Variants in PTK2 observed in about 807,000 individuals in gnomAD.
The protein encoded by PTK2 is protein tyrosine kinase 2, also known as focal adhesion kinase 1.
Under a neutral mutation model 150.1 loss-of-function variants are expected in PTK2, and 45 were observed. The ratio of observed to expected loss-of-function variants is 0.30; its 90% CI spans 0.24 to 0.38. The LOEUF is 0.38. Ranked by LOEUF, PTK2 falls within the 10% of genes least tolerant of loss-of-function variation. The pLI is 1.00. For missense variants in PTK2, 919 were observed against 1,307.3 expected, an observed-to-expected ratio of 0.70 and a Z score of 4.58; for synonymous variants, 432 against 449.2, an observed-to-expected ratio of 0.96 and a Z score of 0.48.
chr8:140,731,861 C>G (rs1188756715), intron 22 of PTK2, among the ~76,000 whole-genome samples: 1 of 152,078 alleles, frequency 6.6e-6, no homozygotes, highest in Non-Finnish European at 1.5e-5. Context: ...AGAGATGGTG[C>G]CACCGCACTC....
chr8:140,934,884 G>A (rs933784009), intron 1 of PTK2, among the ~76,000 whole-genome samples: 1 of 151,674 alleles, frequency 6.6e-6, no homozygotes, highest in African/African-American at 2.4e-5. Flanking sequence ...CTTTTCTGTA[G>A]GGAAAAGAAA....
intron 5 of PTK2, among the ~76,000 whole-genome samples, chr8:140,861,366 A>T (rs558578748): frequency 8.9e-4 from 135 of 152,284 alleles, no homozygotes; most frequent in African/African-American, 3.2e-3. Flanking sequence ...ATAAAATAAA[A>T]TTTTTAAAAA....
chr8:140,894,562 G>T (rs2100155405), intron 2 of PTK2, among the ~76,000 whole-genome samples: 1 of 152,130 alleles, frequency 6.6e-6, no homozygotes. Context: ...AAAACAAAAG[G>T]AAAGAAGAAG....
intron 1 of PTK2, among the ~76,000 whole-genome samples, chr8:140,937,340 C>T (rs1330146005): frequency 3.9e-5 from 6 of 151,936 alleles, no homozygotes; most frequent in Non-Finnish European, 8.8e-5. Context: ...TATTTCCACA[C>T]CTGATTTTTC....
At chr8:140,706,164 T>A (rs758958910) in exon 24 of PTK2, 1 of 1,613,690 alleles carries the variant, frequency 6.2e-7, no homozygotes. Flanking sequence ...TGGGATAAAA[T>A]CCTTCGCTGG....
At chr8:140,989,530 T>TTA (rs2100194826) in intron 1 of PTK2, among the ~76,000 whole-genome samples, 3 of 140,646 alleles carry the variant, frequency 2.1e-5, no homozygotes, top group African/African-American at 7.8e-5. Flanking sequence ...TTAATGAATT[T>TTA]AAAAAAAAAA....
intron 1 of PTK2, among the ~76,000 whole-genome samples, chr8:140,942,175 A>G (rs1220927035): frequency 2.6e-5 from 4 of 152,168 alleles, no homozygotes; most frequent in South Asian, 2.1e-4. Flanking sequence ...CTCTGCACCT[A>G]GACTTACTAT....
At chr8:140,780,074 T>A (rs1198571158) in intron 14 of PTK2, among the ~76,000 whole-genome samples, 1 of 151,992 alleles carries the variant, frequency 6.6e-6, no homozygotes, top group African/African-American at 2.4e-5. Flanking sequence ...AACTGGTAAA[T>A]AAAGGAAAAG....
At chr8:140,857,276 C>G (rs1363234975) in intron 5 of PTK2, among the ~76,000 whole-genome samples, 1 of 152,150 alleles carries the variant, frequency 6.6e-6, no homozygotes, top group Non-Finnish European at 1.5e-5. Context: ...TTCTCAGTGT[C>G]TTCACAATCA....
chr8:140,711,391 G>A (rs769690943), intron 23 of PTK2, among the ~76,000 whole-genome samples: 8 of 152,204 alleles, frequency 5.3e-5, no homozygotes, highest in Non-Finnish European at 8.8e-5. Context: ...ACAGGCGTGA[G>A]CCACCATGCC....
chr8:140,675,482 T>C (rs1443013932), exon 28 of PTK2: 4 of 1,612,062 alleles, frequency 2.5e-6, no homozygotes, highest in African/African-American at 1.3e-5. Flanking sequence ...CAGGCTGATA[T>C]ATATGTTGGT....
At chr8:140,861,394 T>C (rs2100136000) in intron 5 of PTK2, among the ~76,000 whole-genome samples, 1 of 152,068 alleles carries the variant, frequency 6.6e-6, no homozygotes, top group Admixed American at 6.5e-5. Context: ...ATGTACCATA[T>C]AATTTAACAG....
chr8:140,895,520 TC>T (rs1368210951), intron 2 of PTK2, among the ~76,000 whole-genome samples: 15 of 94,650 alleles, frequency 1.6e-4, no homozygotes, highest in Non-Finnish European at 3.5e-4. Flanking sequence ...CAACCCTGTC[TC>T]CTTTAAAAAA....
intron 7 of PTK2, among the ~76,000 whole-genome samples, chr8:140,839,292 C>T (rs1280846247): frequency 6.6e-6 from 1 of 152,104 alleles, no homozygotes; most frequent in Non-Finnish European, 1.5e-5. Flanking sequence ...CTGGCTCTTG[C>T]CAGAAGCCGC....
chr8:140,987,775 G>A (rs934182705), intron 1 of PTK2, among the ~76,000 whole-genome samples: 1 of 152,188 alleles, frequency 6.6e-6, no homozygotes. Context: ...AGGTGACGTG[G>A]CTCACTCCTA....
At chr8:140,942,822 C>G (rs1359247559) in intron 1 of PTK2, among the ~76,000 whole-genome samples, 3 of 152,148 alleles carry the variant, frequency 2.0e-5, no homozygotes, top group Non-Finnish European at 4.4e-5. Flanking sequence ...ATGTAGTCCC[C>G]AGTGTTGGAA....
At position 140,681,339 on chromosome 8, in the gene PTK2, C is replaced by T. The variant is rs540056124; in HGVS notation, c.2562+5293G>A. On this transcript the variant is annotated intron_variant, in intron 27 of 31. Coordinates refer to ENST00000522684, the Ensembl canonical transcript of PTK2. Reference sequence around the variant, plus strand: ...CTGCACTCCAGCCTAGGTGACAGCGCGAGACTCCGTCTCAAAAAAAAAAAA... The same window carrying T: ...CTGCACTCCAGCCTAGGTGACAGCGTGAGACTCCGTCTCAAAAAAAAAAAA... Among the ~76,000 whole-genome samples, 7 of 148,258 alleles carry T rather than the reference C, an allele frequency of 4.7e-5. No individual in the cohort carries two copies. In the East Asian group the frequency reaches 8.0e-4, roughly 17 times the overall value.
At chr8:140,755,098 C>T (rs2100064866) in intron 16 of PTK2, among the ~76,000 whole-genome samples, 1 of 151,966 alleles carries the variant, frequency 6.6e-6, no homozygotes, top group Admixed American at 6.6e-5. Flanking sequence ...TTTAAAATAT[C>T]TTAACAAATA....
chr8:140,973,167 T>C (rs1367016632), intron 1 of PTK2, among the ~76,000 whole-genome samples: 1 of 152,228 alleles, frequency 6.6e-6, no homozygotes, highest in African/African-American at 2.4e-5. Context: ...TGCTAGGGCT[T>C]ATGCAGTAAA....
Sources: gnomAD v4.1 joint callset for allele counts (sites outside exome capture counted in the v4.1 genomes callset) on GRCh38, gnomAD v4.1.1 for gene constraint, MANE v1.5 for transcripts, NCBI Gene and HGNC (gene_info 2026-07-23, HGNC 2026-07-21) for gene names.